The following CHCHD6 variants were observed in gnomAD, a reference collection of about 807,000 sequenced individuals.
CHCHD6 encodes MICOS complex subunit MIC25.
Under a neutral mutation model 32.3 loss-of-function variants are expected in CHCHD6, and 28 were observed. The ratio of observed to expected loss-of-function variants is 0.87; its 90% CI spans 0.64 to 1.19. The LOEUF (loss-of-function observed/expected upper bound fraction) is 1.19. Among genes scored for constraint, CHCHD6 ranks in the 50% most tolerant of loss-of-function variants. CHCHD6 has a pLI of 0.00. For missense variants in CHCHD6, 333 were observed against 307.0 expected (o/e 1.08, Z -0.63); for synonymous variants, 122 against 117.5 (o/e 1.04, Z -0.25).
chr3:126,863,248 A>T (rs1292577878), intron 5 of CHCHD6, among the ~76,000 whole-genome samples: 1 of 93,282 alleles, frequency 1.1e-5, no homozygotes, highest in Admixed American at 1.1e-4. Flanking sequence ...CACCATCACC[A>T]CCTCCTCCTC....
rs149238327 is a variant in CHCHD6 at position 126,707,106 on chromosome 3, A to C, written c.87+2707A>C. Among the ~76,000 whole-genome samples, 417 of 152,132 alleles carry C rather than the reference A, an allele frequency of 2.7e-3. 12 individuals carry two copies. The East Asian group carries it at 0.067, about 24-fold the overall frequency. On this transcript the variant is annotated intron_variant, in intron 1 of 7. Coordinates refer to ENST00000290913, the MANE Select transcript of CHCHD6 (RefSeq NM_032343.3). Reference sequence around the variant, plus strand: ...ACATGGTGAAACCCTGCCTCTACCAAAAATACAAAAGTTAGCTGGGCATGG... The same window carrying C: ...ACATGGTGAAACCCTGCCTCTACCACAAATACAAAAGTTAGCTGGGCATGG...
Position 126,733,218 on chromosome 3 carries a change from G to T in CHCHD6, c.407G>T (p.Arg136Leu). The part of the protein sequence containing the change: ...SISHEEQKSV[R>L]LARELESREA... Reference sequence around the variant, plus strand: ...AGCCATGAGGAGCAGAAGTCAGTCCGGCTGGTGAGTGCAGATTTTCCCTGA... The same window carrying T: ...AGCCATGAGGAGCAGAAGTCAGTCCTGCTGGTGAGTGCAGATTTTCCCTGA... Residue 136 changes from arginine to leucine, a missense_variant, in exon 4 of 8, where the codon CGG becomes CTG. Physicochemically the swap from Arg to Leu is moderately radical, Grantham distance 102. Coordinates refer to ENST00000290913, the MANE Select transcript of CHCHD6 (RefSeq NM_032343.3). 1.6e-5 allele frequency: 26 copies of T among 1,613,394 alleles called. No individual in the cohort carries two copies. The highest frequency in any genetic ancestry group is 2.1e-5 in the Non-Finnish European group (25 of 1,179,746).
intron 5 of CHCHD6, among the ~76,000 whole-genome samples, chr3:126,888,690 G>A (rs2077711994): frequency 1.3e-5 from 2 of 152,178 alleles, no homozygotes; most frequent in African/African-American, 4.8e-5. Context: ...GAGTAGACAG[G>A]AAGGGATGGT....
chr3:126,713,225 G>T (rs903350564), intron 1 of CHCHD6, among the ~76,000 whole-genome samples: 1 of 152,104 alleles, frequency 6.6e-6, no homozygotes, highest in African/African-American at 2.4e-5. Context: ...GTCATTAAAT[G>T]CAGACAGTTA....
chr3:126,872,151 T>A (rs1365077777), intron 5 of CHCHD6, among the ~76,000 whole-genome samples: 1 of 152,190 alleles, frequency 6.6e-6, no homozygotes, highest in African/African-American at 2.4e-5. Context: ...GGAAGGATAC[T>A]GTTGGCATCT....
intron 6 of CHCHD6, among the ~76,000 whole-genome samples, chr3:126,927,946 T>G (rs2078348765): frequency 6.6e-6 from 1 of 152,214 alleles, no homozygotes; most frequent in African/African-American, 2.4e-5. Context: ...GGCCTTTCCA[T>G]CCGCAAGGCA....
chr3:126,830,738 C>T (rs1262257476), intron 4 of CHCHD6, among the ~76,000 whole-genome samples: 1 of 152,196 alleles, frequency 6.6e-6, no homozygotes, highest in Non-Finnish European at 1.5e-5. Context: ...CAGAGACTGG[C>T]CTTAGGAAGA....
At chr3:126,720,126 C>A (rs145903234) in intron 1 of CHCHD6, among the ~76,000 whole-genome samples, 1 of 152,186 alleles carries the variant, frequency 6.6e-6, no homozygotes, top group Non-Finnish European at 1.5e-5. Context: ...AGGTGATCCA[C>A]CTGCCTCGGC....
chr3:126,741,267 A>T (rs72978825), intron 4 of CHCHD6, among the ~76,000 whole-genome samples: 4,117 of 150,902 alleles, frequency 0.027, 134 homozygotes, highest in East Asian at 0.15. Flanking sequence ...GTTAGGATTT[A>T]CTCTTCCTCC....
At chr3:126,777,165 T>G (rs1256989814) in intron 4 of CHCHD6, among the ~76,000 whole-genome samples, 1 of 152,218 alleles carries the variant, frequency 6.6e-6, no homozygotes, top group Non-Finnish European at 1.5e-5. Context: ...TTTATAATAC[T>G]TATTTTACCT....
At chr3:126,758,915 G>C (rs1310052648) in intron 4 of CHCHD6, among the ~76,000 whole-genome samples, 4 of 152,352 alleles carry the variant, frequency 2.6e-5, no homozygotes, top group African/African-American at 9.6e-5. Context: ...TCAATAAAGA[G>C]TAAATGGTCA....
chr3:126,907,057 G>T (rs2078018393), intron 5 of CHCHD6, among the ~76,000 whole-genome samples: 1 of 152,214 alleles, frequency 6.6e-6, no homozygotes, highest in African/African-American at 2.4e-5. Flanking sequence ...TGTCTCTCAG[G>T]TGGAAACACG....
chr3:126,899,859 C>T (rs1433233672), intron 5 of CHCHD6, among the ~76,000 whole-genome samples: 1 of 152,150 alleles, frequency 6.6e-6, no homozygotes, highest in African/African-American at 2.4e-5. Flanking sequence ...TTTGTGGTGA[C>T]CTCATCTAGC....
chr3:126,709,572 C>T (rs1223723445), intron 1 of CHCHD6, among the ~76,000 whole-genome samples: 1 of 152,208 alleles, frequency 6.6e-6, no homozygotes, highest in East Asian at 1.9e-4. Flanking sequence ...AAAGAAACTG[C>T]TGAACTGTTT....
At chr3:126,780,388 C>A in intron 4 of CHCHD6, 1 of 412,204 alleles carries the variant, frequency 2.4e-6, no homozygotes, top group Non-Finnish European at 4.8e-6. Flanking sequence ...AATAAAAAGG[C>A]TCCATCACTC....
intron 4 of CHCHD6, among the ~76,000 whole-genome samples, chr3:126,844,725 C>T (rs1374591317): frequency 6.6e-6 from 1 of 152,196 alleles, no homozygotes; most frequent in East Asian, 1.9e-4. Flanking sequence ...TGCATGTTTT[C>T]TCTCACATGG....
intron 1 of CHCHD6, among the ~76,000 whole-genome samples, chr3:126,711,246 T>TC (rs1934734054): frequency 6.6e-6 from 1 of 152,212 alleles, no homozygotes; most frequent in South Asian, 2.1e-4. Flanking sequence ...TGGCAGTCCT[T>TC]CTCTAGCCAA....
At chr3:126,932,898 G>T (rs1019793773) in intron 6 of CHCHD6, among the ~76,000 whole-genome samples, 4 of 152,212 alleles carry the variant, frequency 2.6e-5, no homozygotes, top group African/African-American at 9.7e-5. Flanking sequence ...GCTGCCGCTG[G>T]GCTGAGGGTC....
intron 4 of CHCHD6, among the ~76,000 whole-genome samples, chr3:126,772,495 G>A (rs540209300): frequency 8.5e-5 from 13 of 152,056 alleles, no homozygotes; most frequent in South Asian, 2.1e-4. Context: ...ATTGTGTAAC[G>A]CCCTTTGTCT....
Sources: gnomAD v4.1 joint callset for allele counts (sites outside exome capture counted in the v4.1 genomes callset) on GRCh38, gnomAD v4.1.1 for gene constraint, MANE v1.5 for transcripts, NCBI Gene and HGNC (gene_info 2026-07-23, HGNC 2026-07-21) for gene names.